ROBO2: variants seen among roughly 807,000 people sequenced by gnomAD.
ROBO2 encodes the protein roundabout guidance receptor 2.
In ROBO2, 53 loss-of-function variants were observed where a neutral mutation model predicts 160.8. That is an observed-to-expected ratio of 0.33 (90% CI 0.26 to 0.41). ROBO2 has a LOEUF of 0.41. ROBO2 is among the 10% of genes least tolerant of loss of function. The pLI, the probability that ROBO2 is intolerant of heterozygous loss-of-function variation, is 1.00. For synonymous variants in ROBO2, 664 were observed against 611.7 expected, an observed-to-expected ratio of 1.09 and a Z score of -1.26; for missense variants, 1,577 against 1,722.4, an observed-to-expected ratio of 0.92 and a Z score of 1.49.
chr3:77,006,729 AT>A (rs2061600181), intron 2 of ROBO2, among the ~76,000 whole-genome samples: 1 of 152,118 alleles, frequency 6.6e-6, no homozygotes, highest in South Asian at 2.1e-4. Context: ...GCCTAAGAGA[AT>A]AAAAATTTGA....
At chr3:77,126,706 A>G (rs1002077605) in intron 2 of ROBO2, among the ~76,000 whole-genome samples, 2 of 147,746 alleles carry the variant, frequency 1.4e-5, no homozygotes, top group Admixed American at 6.7e-5. Flanking sequence ...GGATATATAT[A>G]TATATATTTT....
chr3:77,165,174 G>C (rs1014747761), intron 2 of ROBO2, among the ~76,000 whole-genome samples: 1 of 151,274 alleles, frequency 6.6e-6, no homozygotes, highest in Admixed American at 6.6e-5. Flanking sequence ...TGTCTGTGTG[G>C]AAAGAAGTAG....
At chr3:76,968,750 ATAT>A (rs1164402254) in intron 2 of ROBO2, among the ~76,000 whole-genome samples, 1 of 152,214 alleles carries the variant, frequency 6.6e-6, no homozygotes, top group Non-Finnish European at 1.5e-5. Context: ...ACCATCATAA[ATAT>A]TATAATCTCA....
chr3:76,871,005 A>G (rs1055630611), intron 2 of ROBO2, among the ~76,000 whole-genome samples: 1 of 152,210 alleles, frequency 6.6e-6, no homozygotes, highest in Non-Finnish European at 1.5e-5. Flanking sequence ...CCCTCTGCCA[A>G]TAGAGACAAC....
intron 2 of ROBO2, among the ~76,000 whole-genome samples, chr3:76,258,114 G>A (rs548830067): frequency 1.3e-5 from 2 of 151,592 alleles, no homozygotes; most frequent in South Asian, 2.1e-4. Flanking sequence ...AGCAAAAGTT[G>A]CCTCTTCTTT....
rs369099644 is a variant in ROBO2 at position 77,219,434 on chromosome 3, G to GTATATATATATATATATA, written c.388+121102_388+121119dup. 5.8e-3 allele frequency among the ~76,000 whole-genome samples: 663 copies of GTATATATATATATATATA among 115,132 alleles called. 7 individuals carry two copies. The highest frequency in any genetic ancestry group is 0.011 in the South Asian group (35 of 3,222). The allele number at this position is 115,132 out of a possible 152,430, so 75.5% of individuals were successfully genotyped here. A position where few individuals can be genotyped will look rare whatever the true frequency, so the allele number is the denominator to read the frequency against. ...TCATCTTGACTGTGTGTATGTGTGT[G>GTATATATATATATATATA]TATATATATATATATATATATATAT... On this transcript the variant is annotated intron_variant, in intron 2 of 25. Transcript: ENST00000461745.
chr3:77,529,080 T>C (rs1275200649), intron 6 of ROBO2, among the ~76,000 whole-genome samples: 1 of 151,438 alleles, frequency 6.6e-6, no homozygotes, highest in Non-Finnish European at 1.5e-5. Context: ...AGTTTTCAGG[T>C]TCAGAAATTC....
At chr3:77,351,943 G>A (rs2068394729) in intron 2 of ROBO2, among the ~76,000 whole-genome samples, 1 of 151,362 alleles carries the variant, frequency 6.6e-6, no homozygotes. Flanking sequence ...TCTGGGGACT[G>A]TTGTGGAGTG....
chr3:76,060,663 A>C (rs528751680), intron 2 of ROBO2, among the ~76,000 whole-genome samples: 1 of 152,308 alleles, frequency 6.6e-6, no homozygotes, highest in South Asian at 2.1e-4. Context: ...GGGTCCCTTT[A>C]CAACTGTAAA....
At chr3:77,108,299 C>T (rs2073117403) in intron 2 of ROBO2, among the ~76,000 whole-genome samples, 1 of 120,458 alleles carries the variant, frequency 8.3e-6, no homozygotes, top group Non-Finnish European at 1.8e-5. Flanking sequence ...TACACATATG[C>T]ATATATATAT....
intron 2 of ROBO2, among the ~76,000 whole-genome samples, chr3:76,423,908 A>G (rs2076101477): frequency 1.3e-5 from 2 of 152,156 alleles, no homozygotes; most frequent in African/African-American, 4.8e-5. Context: ...AAGGAGCTCC[A>G]TCTGACCCTG....
intron 2 of ROBO2, among the ~76,000 whole-genome samples, chr3:76,736,325 G>A (rs2093713596): frequency 4.6e-5 from 1 of 21,842 alleles, no homozygotes; most frequent in Non-Finnish European, 1.1e-4. Flanking sequence ...AAATAATAAA[G>A]CCTACAAACG....
At chr3:76,573,432 C>T (rs1207562870) in intron 2 of ROBO2, among the ~76,000 whole-genome samples, 2 of 151,758 alleles carry the variant, frequency 1.3e-5, no homozygotes, top group Admixed American at 6.6e-5. Context: ...TATTTACTAT[C>T]GATTAGAACC....
intron 2 of ROBO2, among the ~76,000 whole-genome samples, chr3:77,390,740 A>G (rs921080143): frequency 1.3e-5 from 2 of 152,210 alleles, no homozygotes; most frequent in African/African-American, 4.8e-5. Flanking sequence ...TGTGCCACTT[A>G]CATTTTAAAA....
intron 2 of ROBO2, among the ~76,000 whole-genome samples, chr3:76,491,408 CT>C (rs2079819104): frequency 6.6e-6 from 1 of 152,122 alleles, no homozygotes; most frequent in South Asian, 2.1e-4. Flanking sequence ...ACCCAAAGTA[CT>C]TCACAATTAA....
At chr3:76,632,444 T>C (rs933772747) in intron 2 of ROBO2, among the ~76,000 whole-genome samples, 4 of 152,210 alleles carry the variant, frequency 2.6e-5, no homozygotes, top group African/African-American at 7.2e-5. Flanking sequence ...GCTACCTGAG[T>C]GTAATGAATG....
intron 2 of ROBO2, among the ~76,000 whole-genome samples, chr3:77,131,056 G>T (rs936359890): frequency 2.0e-5 from 3 of 152,068 alleles, no homozygotes; most frequent in African/African-American, 7.2e-5. Flanking sequence ...TTGGGACACT[G>T]CCAGCCAAAA....
intron 2 of ROBO2, among the ~76,000 whole-genome samples, chr3:76,839,537 C>G (rs2068030414): frequency 6.6e-6 from 1 of 152,126 alleles, no homozygotes; most frequent in Non-Finnish European, 1.5e-5. Context: ...GATAAATGAT[C>G]TTTTTAGTGT....
intron 2 of ROBO2, among the ~76,000 whole-genome samples, chr3:77,142,610 C>T (rs958610308): frequency 3.3e-5 from 5 of 152,176 alleles, no homozygotes; most frequent in South Asian, 4.1e-4. Flanking sequence ...AAATTGTCCA[C>T]GTAGCAGGCA....
Sources: allele counts gnomAD v4.1 joint callset (sites outside exome capture counted in the v4.1 genomes callset), GRCh38; gene constraint gnomAD v4.1.1; transcripts MANE v1.5; gene names NCBI Gene and HGNC (gene_info 2026-07-23, HGNC 2026-07-21).